Variants in CCBE1 observed in about 807,000 individuals in gnomAD.
The protein encoded by CCBE1 is collagen and calcium binding EGF domains 1.
CCBE1 carries 37 observed loss-of-function variants against 50.0 expected under a neutral mutation model. The observed-to-expected ratio is 0.74, with a 90% confidence interval of 0.57 to 0.97. The LOEUF (loss-of-function observed/expected upper bound fraction) is 0.97, where lower values mean the gene tolerates loss of function less well. CCBE1 is among the 50% of genes least tolerant of loss of function. The pLI is 0.00. For missense variants in CCBE1, 538 were observed against 523.8 expected (o/e 1.03, Z -0.26); for synonymous variants, 234 against 203.7 (o/e 1.15, Z -1.27).
At chr18:59,463,651 A>G (rs1911597877) in intron 5 of CCBE1, among the ~76,000 whole-genome samples, 1 of 152,162 alleles carries the variant, frequency 6.6e-6, no homozygotes, top group Non-Finnish European at 1.5e-5. Context: ...ACTCTCCCTC[A>G]CAGGCAGGAA....
chr18:59,634,272 C>A (rs759212808), intron 2 of CCBE1, among the ~76,000 whole-genome samples: 2 of 152,322 alleles, frequency 1.3e-5, no homozygotes, highest in Middle Eastern at 3.4e-3. Flanking sequence ...GGGAAACTTA[C>A]TCATTTGGGC....
chr18:59,534,697 G>A (rs537637737), intron 2 of CCBE1, among the ~76,000 whole-genome samples: 1 of 152,326 alleles, frequency 6.6e-6, no homozygotes, highest in South Asian at 2.1e-4. Flanking sequence ...AGCTGTCCAG[G>A]TCATTTCTGA....
chr18:59,551,035 GA>G (rs1187755904), intron 2 of CCBE1, among the ~76,000 whole-genome samples: 3 of 100,490 alleles, frequency 3.0e-5, no homozygotes, highest in Non-Finnish European at 6.5e-5. Flanking sequence ...AAAAAGAAAA[GA>G]AAAGAAAAGA....
chr18:59,566,795 G>A (rs898300974), intron 2 of CCBE1, among the ~76,000 whole-genome samples: 5 of 151,698 alleles, frequency 3.3e-5, no homozygotes, highest in African/African-American at 7.3e-5. Flanking sequence ...ACCCCCACCC[G>A]CTGCTGCCCC....
intron 10 of CCBE1, 98 bp from the exon 11 acceptor site, chr18:59,436,239 C>A: frequency 9.5e-7 from 1 of 1,047,144 alleles, no homozygotes; most frequent in Non-Finnish European, 1.5e-6. Flanking sequence ...ACTACTTTCT[C>A]AATAACTCTG....
intron 5 of CCBE1, among the ~76,000 whole-genome samples, chr18:59,464,317 A>G (rs1174850587): frequency 1.3e-5 from 2 of 152,148 alleles, no homozygotes; most frequent in Non-Finnish European, 2.9e-5. Context: ...AATCCCAGAT[A>G]CTTGGGAGGC....
At chr18:59,565,984 C>G (rs562521340) in intron 2 of CCBE1, among the ~76,000 whole-genome samples, 1 of 152,274 alleles carries the variant, frequency 6.6e-6, no homozygotes, top group East Asian at 1.9e-4. Context: ...TACCTCTGAC[C>G]TTGGAGACCC....
At chr18:59,518,656 G>C (rs181513894) in intron 2 of CCBE1, among the ~76,000 whole-genome samples, 1 of 152,250 alleles carries the variant, frequency 6.6e-6, no homozygotes, top group East Asian at 1.9e-4. Flanking sequence ...GGATGAAGTG[G>C]ACATTAAGTT....
chr18:59,588,393 C>T (rs979382246), intron 2 of CCBE1, among the ~76,000 whole-genome samples: 2 of 152,022 alleles, frequency 1.3e-5, no homozygotes, highest in Non-Finnish European at 2.9e-5. Context: ...GAGACCCCAT[C>T]TCATTATAAA....
intron 2 of CCBE1, among the ~76,000 whole-genome samples, chr18:59,500,320 C>G (rs1293026857): frequency 6.6e-6 from 1 of 152,224 alleles, no homozygotes; most frequent in African/African-American, 2.4e-5. Flanking sequence ...GATCCTTTCT[C>G]TATTTGCACT....
chr18:59,593,644 TATC>T (rs2053306591), intron 2 of CCBE1, among the ~76,000 whole-genome samples: 1 of 152,236 alleles, frequency 6.6e-6, no homozygotes, highest in South Asian at 2.1e-4. Context: ...TGGACACACT[TATC>T]ATCCTGGCTG....
intron 2 of CCBE1, among the ~76,000 whole-genome samples, chr18:59,515,522 G>A (rs980778491): frequency 2.0e-5 from 3 of 152,128 alleles, no homozygotes; most frequent in Admixed American, 6.5e-5. Context: ...GACCTGAAAC[G>A]CACGATATTT....
At chr18:59,628,329 A>G (rs1293756093) in intron 2 of CCBE1, among the ~76,000 whole-genome samples, 1 of 152,230 alleles carries the variant, frequency 6.6e-6, no homozygotes, top group Non-Finnish European at 1.5e-5. Context: ...ATTAAAAATA[A>G]TAAGGAGAAT....
At chr18:59,620,313 G>A (rs747884463) in intron 2 of CCBE1, among the ~76,000 whole-genome samples, 2 of 152,156 alleles carry the variant, frequency 1.3e-5, no homozygotes, top group African/African-American at 2.4e-5. Flanking sequence ...GACTTTCTAG[G>A]AGCATTTACC....
chr18:59,567,128 T>A (rs1193021649), intron 2 of CCBE1, among the ~76,000 whole-genome samples: 4 of 151,976 alleles, frequency 2.6e-5, no homozygotes, highest in African/African-American at 9.7e-5. Flanking sequence ...TTTCTTTTCT[T>A]TTTTTTTGAA....
At chr18:59,541,127 T>C (rs1311876824) in intron 2 of CCBE1, among the ~76,000 whole-genome samples, 1 of 152,210 alleles carries the variant, frequency 6.6e-6, no homozygotes, top group Non-Finnish European at 1.5e-5. Context: ...ATAATGACAT[T>C]ATAATTTATA....
At chr18:59,625,966 A>G (rs1457666325) in intron 2 of CCBE1, among the ~76,000 whole-genome samples, 1 of 152,212 alleles carries the variant, frequency 6.6e-6, no homozygotes, top group Non-Finnish European at 1.5e-5. Context: ...CAGTTGCAAG[A>G]AAATAAATCT....
chr18:59,610,342 ACGTC>A (rs2053551796), intron 2 of CCBE1, among the ~76,000 whole-genome samples: 1 of 152,194 alleles, frequency 6.6e-6, no homozygotes, highest in African/African-American at 2.4e-5. Flanking sequence ...TCCAAAATTA[ACGTC>A]CAAGAATGGA....
intron 2 of CCBE1, among the ~76,000 whole-genome samples, chr18:59,537,030 C>T (rs895277838): frequency 4.0e-5 from 6 of 151,316 alleles, no homozygotes; most frequent in Admixed American, 2.0e-4. Context: ...CATGTTTCTG[C>T]TCACATATAA....
Sources: gnomAD v4.1 joint callset for allele counts (sites outside exome capture counted in the v4.1 genomes callset) on GRCh38, gnomAD v4.1.1 for gene constraint, MANE v1.5 for transcripts, NCBI Gene and HGNC (gene_info 2026-07-23, HGNC 2026-07-21) for gene names.